The following EXTL3 variants were observed in gnomAD, a reference collection of about 807,000 sequenced individuals.
EXTL3 encodes exostosin like glycosyltransferase 3.
A neutral mutation model predicts 69.3 loss-of-function variants in EXTL3; 27 were observed. That is an observed-to-expected ratio of 0.39 (90% CI 0.29 to 0.54). The LOEUF is 0.54. Ranked by LOEUF, EXTL3 falls within the 20% of genes least tolerant of loss-of-function variation. The pLI, the probability that EXTL3 is intolerant of heterozygous loss-of-function variation, is 0.69. For missense variants in EXTL3, 1,003 were observed against 1,231.8 expected, an observed-to-expected ratio of 0.81 and a Z score of 2.78; for synonymous variants, 511 against 499.4, an observed-to-expected ratio of 1.02 and a Z score of -0.31.
chr8:28,731,562 C>T (rs762968666), intron 4 of EXTL3, among the ~76,000 whole-genome samples: 2 of 152,160 alleles, frequency 1.3e-5, no homozygotes, highest in Non-Finnish European at 2.9e-5. Flanking sequence ...TCCCACAGGC[C>T]TTTCCTCTGT....
intron 1 of EXTL3, among the ~76,000 whole-genome samples, chr8:28,665,330 G>A (rs770512298): frequency 5.3e-5 from 8 of 150,946 alleles, no homozygotes; most frequent in South Asian, 2.1e-4. Flanking sequence ...CCACCTAGGC[G>A]TCCCAAAGTC....
At position 28,743,150 on chromosome 8, in the gene EXTL3, T is replaced by C. The variant is rs756753935; in HGVS notation, c.2486T>C (p.Ile829Thr). The change falls in exon 6 of 7, where the codon ATC (isoleucine) becomes ACC (threonine). Residue 829 changes from isoleucine to threonine, a missense_variant. This residue lies in a region of EXTL3 where 261 missense variants were observed against 416.4 expected (regional missense o/e 0.63). Coordinates refer to ENST00000220562, the MANE Select transcript of EXTL3 (RefSeq NM_001440.4). Reference sequence around the variant, plus strand: ...ATCCGGGACATGGTGGATGAATACATCAACTGTGAGGACATTGCCATGAAC... The same window carrying C: ...ATCCGGGACATGGTGGATGAATACACCAACTGTGAGGACATTGCCATGAAC... ...QAIRDMVDEY[I>T]NCEDIAMNFL... 1.3e-4 allele frequency: 203 copies of C among 1,614,080 alleles called. 1 individual carries two copies. The highest frequency in any genetic ancestry group is 1.5e-4 in the Non-Finnish European group (172 of 1,180,000).
intron 4 of EXTL3, among the ~76,000 whole-genome samples, chr8:28,736,023 TG>T (rs1472612505): frequency 6.6e-6 from 1 of 152,148 alleles, no homozygotes; most frequent in Non-Finnish European, 1.5e-5. Context: ...TAGTGTTTAA[TG>T]GGGACAGAGT....
chr8:28,694,779 A>T (rs960480910), intron 1 of EXTL3, among the ~76,000 whole-genome samples: 4 of 152,218 alleles, frequency 2.6e-5, no homozygotes, highest in East Asian at 1.9e-4. Context: ...TGGGAGGCCA[A>T]AGCAGGCAGG....
At chr8:28,618,562 A>G (rs151321824), upstream of EXTL3, among the ~76,000 whole-genome samples, 16 of 152,272 alleles carry the variant, frequency 1.1e-4, no homozygotes, top group African/African-American at 3.4e-4. Context: ...GTCCGGCACG[A>G]AAGAGGTTGA....
chr8:28,742,591 A>G (rs1801802794), intron 5 of EXTL3: 1 of 193,098 alleles, frequency 5.2e-6, no homozygotes. Context: ...GGTGGTTGGC[A>G]GCAGGGAGTA....
At chr8:28,651,852 T>C (rs1466620324) in intron 1 of EXTL3, among the ~76,000 whole-genome samples, 1 of 152,210 alleles carries the variant, frequency 6.6e-6, no homozygotes, top group Non-Finnish European at 1.5e-5. Context: ...TCCTCCCAGC[T>C]TCTGGCAACT....
chr8:28,710,212 G>GTCGT, intron 1 of EXTL3: 3 of 276,108 alleles, frequency 1.1e-5, no homozygotes, highest in South Asian at 1.0e-4. Flanking sequence ...CTGTGTTGCT[G>GTCGT]ACCACTGGAA....
Position 28,626,740 on chromosome 8 carries a change from T to G in EXTL3, c.-53+3930T>G, listed in dbSNP as rs560750914. Among the ~76,000 whole-genome samples the G allele has an allele frequency of 5.9e-5, 9 of 152,264 alleles. No individual in the cohort carries two copies. The East Asian group carries it at 1.7e-3, about 29-fold the overall frequency. Reference sequence around the variant, plus strand: ...CACAATCAGCTCCAGGTGCAGTCTTTTCATACAGGGCTCATTCTGAACAGC... The same window carrying G: ...CACAATCAGCTCCAGGTGCAGTCTTGTCATACAGGGCTCATTCTGAACAGC... On this transcript the variant is annotated intron_variant, in intron 1 of 6. Coordinates refer to the EXTL3 transcript ENST00000523149.
chr8:28,660,476 A>ATG (rs901068959), intron 1 of EXTL3, among the ~76,000 whole-genome samples: 2 of 152,060 alleles, frequency 1.3e-5, no homozygotes, highest in African/African-American at 2.4e-5. Context: ...AATTATATAT[A>ATG]TGTGTGTGTG....
Position 28,623,118 on chromosome 8 carries a change from A to T in EXTL3, c.-53+308A>T, listed in dbSNP as rs1273792877. Among the ~76,000 whole-genome samples the T allele has an allele frequency of 1.3e-5, 2 of 151,596 alleles. No individual in the cohort carries two copies. The highest frequency in any genetic ancestry group is 1.5e-5 in the Non-Finnish European group (1 of 67,864). Reference sequence around the variant, plus strand: ...TGGGCTGGGTTTCTACAGAGGCGGGAATTTGTGAGAACTGGGAGAGTGTGG... The same window carrying T: ...TGGGCTGGGTTTCTACAGAGGCGGGTATTTGTGAGAACTGGGAGAGTGTGG... On this transcript the variant is annotated intron_variant, in intron 1 of 6. Coordinates refer to the EXTL3 transcript ENST00000523149. The surrounding 1 kb of genome is among the most constrained non-coding windows in gnomAD (Gnocchi z 4.2).
Position 28,743,223 on chromosome 8 carries a change from C to T in EXTL3, c.2550+9C>T. 1 of 1,614,170 alleles carries T rather than the reference C, an allele frequency of 6.2e-7. No homozygotes were observed. Among genetic ancestry groups the T allele is most frequent in the Non-Finnish European group, 8.5e-7 (1 of 1,180,014 alleles). On this transcript the variant is annotated intron_variant, in intron 6 of 6. Coordinates refer to ENST00000220562, the MANE Select transcript of EXTL3 (RefSeq NM_001440.4). The stretch of plus-strand genomic sequence containing the variant: ...GGAAGCCCCCCATCAAGGTGAGGTC[C>T]CACCACTGGTGGGGCTGTGGATGCG...
intron 1 of EXTL3, among the ~76,000 whole-genome samples, chr8:28,660,121 G>C (rs1185483190): frequency 6.6e-6 from 1 of 152,190 alleles, no homozygotes; most frequent in Non-Finnish European, 1.5e-5. Flanking sequence ...CCAGTGCTTT[G>C]GGAGGCCAAG....
At chr8:28,619,326 G>A (rs1012729250), upstream of EXTL3, among the ~76,000 whole-genome samples, 1 of 118,308 alleles carries the variant, frequency 8.5e-6, no homozygotes, top group Admixed American at 1.0e-4. Flanking sequence ...CCCTGTGTGA[G>A]CCCTGGACGC....
upstream of EXTL3, among the ~76,000 whole-genome samples, chr8:28,699,012 A>T (rs938451416): frequency 4.0e-5 from 6 of 151,498 alleles, no homozygotes; most frequent in Non-Finnish European, 8.8e-5. Flanking sequence ...AACAAAAACA[A>T]AAAACAAAAA....
intron 1 of EXTL3, among the ~76,000 whole-genome samples, chr8:28,707,730 CG>C (rs1480426004): frequency 6.6e-6 from 1 of 152,146 alleles, no homozygotes; most frequent in Non-Finnish European, 1.5e-5. Context: ...TAATGTAGCA[CG>C]GTCCCGGTTT....
chr8:28,723,240 C>T (rs1222110992), intron 3 of EXTL3, among the ~76,000 whole-genome samples: 1 of 152,076 alleles, frequency 6.6e-6, no homozygotes. Flanking sequence ...TTCTCCAGGT[C>T]CAAGACTGTG....
chr8:28,614,421 G>A (rs1016514686), intron 2 of EXTL3, among the ~76,000 whole-genome samples: 4 of 151,644 alleles, frequency 2.6e-5, no homozygotes, highest in Middle Eastern at 3.4e-3. Context: ...ATACAGGCAC[G>A]TGCCACCATG....
intron 1 of EXTL3, among the ~76,000 whole-genome samples, chr8:28,650,302 T>C (rs1232908682): frequency 6.6e-6 from 1 of 152,012 alleles, no homozygotes; most frequent in Non-Finnish European, 1.5e-5. Flanking sequence ...AGGTCCATTT[T>C]TCTTTTCTTT....
Sources: allele counts gnomAD v4.1 joint callset (sites outside exome capture counted in the v4.1 genomes callset), GRCh38; gene constraint gnomAD v4.1.1; regional missense constraint gnomAD v4.1.1; non-coding constraint Gnocchi (gnomAD v3.1); transcripts MANE v1.5; gene names NCBI Gene and HGNC (gene_info 2026-07-23, HGNC 2026-07-21).